Variants in RTKN2 observed in about 807,000 individuals in gnomAD.
RTKN2 encodes rhotekin 2, also known as rhotekin-2.
Under a neutral mutation model 71.5 loss-of-function variants are expected in RTKN2, and 69 were observed. The ratio of observed to expected loss-of-function variants is 0.96; its 90% CI spans 0.79 to 1.18. The LOEUF is 1.18. Among genes scored for constraint, RTKN2 ranks in the 50% most tolerant of loss-of-function variants. The pLI is 0.00. For missense variants in RTKN2, 724 were observed against 719.7 expected (o/e 1.01, Z -0.07); for synonymous variants, 236 against 236.5 (o/e 1.00, Z 0.02).
At position 62,268,772 on chromosome 10, in the gene RTKN2, G is replaced by C. The variant is rs1842917744; in HGVS notation, c.-162C>G. 3 of 703,362 alleles carry C rather than the reference G, an allele frequency of 4.3e-6. No homozygotes were observed. The highest frequency in any genetic ancestry group is 3.1e-5 in the Admixed American group (1 of 32,262). 43.6% of individuals were successfully genotyped at this position (703,362 alleles called of 1,614,324 possible). On this transcript the variant is annotated 5_prime_UTR_variant, in exon 1 of 12. Transcript: ENST00000373789. ...GGAGCCGGGCCGAAGCGCACGCGCA[G>C]TGGGCGCGCCTTGCGCTCTGCAGCT...
At chr10:62,206,618 A>G (rs558299532) in intron 9 of RTKN2, among the ~76,000 whole-genome samples, 98 of 152,220 alleles carry the variant, frequency 6.4e-4, no homozygotes, top group African/African-American at 2.2e-3. Context: ...GAGACAGTCT[A>G]TCCTGTCACA....
chr10:62,195,619 GAA>G lies in RTKN2; in HGVS notation c.*2287_*2288del, dbSNP rs1841311999. 1 of 107,838 alleles carries G rather than the reference GAA, an allele frequency of 9.3e-6. No homozygotes were observed. Among genetic ancestry groups the G allele is most frequent in the African/African-American group, 5.9e-5 (1 of 17,082 alleles). 6.7% of individuals were successfully genotyped at this position (107,838 alleles called of 1,614,324 possible). On this transcript the variant is annotated 3_prime_UTR_variant, in exon 12 of 12. Coordinates refer to ENST00000373789, the MANE Select transcript of RTKN2 (RefSeq NM_145307.4). Reference sequence around the variant, plus strand: ...GGACAGAGGGAATGAAGGAAGGAAGGAAGGAAGGAAGGAAGGAAGGAAGGAAG... The same window carrying G: ...GGACAGAGGGAATGAAGGAAGGAAGGGGAAGGAAGGAAGGAAGGAAGGAAG...
intron 7 of RTKN2, among the ~76,000 whole-genome samples, chr10:62,220,541 G>T (rs1410596233): frequency 2.6e-5 from 4 of 152,138 alleles, no homozygotes; most frequent in Non-Finnish European, 4.4e-5. Flanking sequence ...TAAGTTAGTT[G>T]AAAAGTACAT....
At chr10:62,246,427 T>C (rs1208186335) in intron 2 of RTKN2, among the ~76,000 whole-genome samples, 1 of 152,074 alleles carries the variant, frequency 6.6e-6, no homozygotes, top group East Asian at 1.9e-4. Context: ...TTCTAACTTA[T>C]CAGATACAGT....
intron 5 of RTKN2, chr10:62,238,538 T>C (rs1842305686): frequency 6.6e-6 from 1 of 151,916 alleles, no homozygotes; most frequent in Non-Finnish European, 1.5e-5. Flanking sequence ...CTAGCAATAG[T>C]TGATAATGGA....
At position 62,223,395 on chromosome 10, in the gene RTKN2, T is replaced by G. The variant is rs992844177; in HGVS notation, c.687-63A>C. Reference sequence around the variant, plus strand: ...GTATTTCTACTACTACACAAAATATTTGTATGTTCAACAACAAATAATAAA... The same window carrying G: ...GTATTTCTACTACTACACAAAATATGTGTATGTTCAACAACAAATAATAAA... On this transcript the variant is annotated intron_variant, in intron 6 of 11. Transcript: ENST00000373789. 5.9e-5 allele frequency: 57 copies of G among 965,598 alleles called. 1 individual carries two copies. The Middle Eastern group carries it at 7.1e-4, about 12-fold the overall frequency. 59.8% of individuals were successfully genotyped at this position (965,598 alleles called of 1,614,324 possible).
At chr10:62,268,319 G>A (rs1021209835) in intron 1 of RTKN2, among the ~76,000 whole-genome samples, 43 of 152,360 alleles carry the variant, frequency 2.8e-4, no homozygotes, top group African/African-American at 1.0e-3. Flanking sequence ...CCTGGACCCC[G>A]GCACCGCCTT....
intron 6 of RTKN2, among the ~76,000 whole-genome samples, chr10:62,235,014 G>C (rs1842226084): frequency 6.6e-6 from 1 of 151,800 alleles, no homozygotes; most frequent in African/African-American, 2.4e-5. Context: ...CGAGGTTATA[G>C]GAAATACAAG....
chr10:62,245,285 A>G (rs1205948733), intron 3 of RTKN2, among the ~76,000 whole-genome samples: 1 of 152,168 alleles, frequency 6.6e-6, no homozygotes, highest in Non-Finnish European at 1.5e-5. Context: ...AACAGAGATT[A>G]TATTATATAT....
At chr10:62,267,436 G>C (rs1842886574) in intron 1 of RTKN2, among the ~76,000 whole-genome samples, 3 of 152,096 alleles carry the variant, frequency 2.0e-5, no homozygotes, top group Admixed American at 2.0e-4. Context: ...TATAAATCAA[G>C]ATTTTGTTAG....
chr10:62,187,431 CCT>C (rs1478638915), intron 8 of RTKN2, among the ~76,000 whole-genome samples: 9 of 152,164 alleles, frequency 5.9e-5, no homozygotes, highest in Admixed American at 5.9e-4. Flanking sequence ...TCTGTTCACC[CCT>C]CTGTGTCACC....
chr10:62,215,563 C>G (rs1841751628), intron 9 of RTKN2, among the ~76,000 whole-genome samples: 1 of 151,818 alleles, frequency 6.6e-6, no homozygotes, highest in South Asian at 2.1e-4. Flanking sequence ...TTGAGCATGA[C>G]AATAATATTA....
intron 10 of RTKN2, among the ~76,000 whole-genome samples, chr10:62,203,152 C>T (rs569204789): frequency 7.2e-5 from 11 of 152,154 alleles, no homozygotes; most frequent in Non-Finnish European, 1.6e-4. Context: ...AAGAGCGAAA[C>T]TCCATCTCAA....
At chr10:62,221,970 T>C (rs748891017) in intron 7 of RTKN2, among the ~76,000 whole-genome samples, 1 of 152,178 alleles carries the variant, frequency 6.6e-6, no homozygotes, top group Non-Finnish European at 1.5e-5. Context: ...ACATAACTTA[T>C]TGAAACTGAC....
At chr10:62,226,683 A>G (rs1367685294) in intron 6 of RTKN2, among the ~76,000 whole-genome samples, 1 of 152,254 alleles carries the variant, frequency 6.6e-6, no homozygotes, top group Non-Finnish European at 1.5e-5. Flanking sequence ...ATTCTCTGCT[A>G]TTATTCATTT....
chr10:62,198,007 G>A lies in RTKN2; in HGVS notation c.1731C>T (p.Asp577=), dbSNP rs1218729141. 3 of 1,613,994 alleles carry A rather than the reference G, an allele frequency of 1.9e-6. No individual in the cohort carries two copies. The highest frequency in any genetic ancestry group is 2.2e-5 in the East Asian group (1 of 44,886). ...GCTTGGCTTCAAAATTGGTTTTAGT[G>A]TCTGTGTGCTCACCATCACTTAATC... ...RNRLSDGEHT[D]TKTNFEAKPV... is the part of the protein sequence containing the mutation. Residue 577 remains aspartate (D), a synonymous_variant, in exon 12 of 12, where the codon GAC becomes GAT. Transcript: ENST00000373789.
At chr10:62,263,664 A>C (rs747060639) in intron 1 of RTKN2, among the ~76,000 whole-genome samples, 5 of 152,214 alleles carry the variant, frequency 3.3e-5, no homozygotes, top group Non-Finnish European at 7.4e-5. Flanking sequence ...AGCAGGGAGG[A>C]AACAGGCTAT....
chr10:62,250,799 TTTATG>T (rs1842566346), intron 2 of RTKN2, among the ~76,000 whole-genome samples: 1 of 152,052 alleles, frequency 6.6e-6, no homozygotes, highest in Non-Finnish European at 1.5e-5. Context: ...CCAGCTAATG[TTTATG>T]TTATTTGGTA....
intron 2 of RTKN2, among the ~76,000 whole-genome samples, chr10:62,250,535 T>C (rs539733261): frequency 6.6e-6 from 1 of 152,334 alleles, no homozygotes; most frequent in African/African-American, 2.4e-5. Flanking sequence ...TTCTTAGCCA[T>C]GGTTTTGCTT....
Sources: gnomAD v4.1 joint callset for allele counts (sites outside exome capture counted in the v4.1 genomes callset) on GRCh38, gnomAD v4.1.1 for gene constraint, MANE v1.5 for transcripts, NCBI Gene and HGNC (gene_info 2026-07-23, HGNC 2026-07-21) for gene names.